The following ZNF662 variants were observed in gnomAD, a reference collection of about 807,000 sequenced individuals.
The protein encoded by ZNF662 is zinc finger protein 662.
In ZNF662, 14 loss-of-function variants were observed where a neutral mutation model predicts 12.4. The ratio of observed to expected loss-of-function variants is 1.13; its 90% CI spans 0.75 to 1.77. The LOEUF (loss-of-function observed/expected upper bound fraction) is 1.77, where lower values mean the gene tolerates loss of function less well. Among genes scored for constraint, ZNF662 ranks in the 40% most tolerant of loss-of-function variants. The pLI is 0.00. For synonymous variants in ZNF662, 184 were observed against 176.4 expected, an observed-to-expected ratio of 1.04 and a Z score of -0.34; for missense variants, 550 against 515.6, an observed-to-expected ratio of 1.07 and a Z score of -0.65.
rs1386617067 is a variant in ZNF662 at position 42,914,919 on chromosome 3, G to A, written c.846G>A (p.Gly282=). The A allele has an allele frequency of 1.2e-6, 2 of 1,614,218 alleles. No individual in the cohort carries two copies. Among genetic ancestry groups the A allele is most frequent in the Admixed American group, 1.7e-5 (1 of 60,028 alleles). The change falls in exon 5 of 5, where the codon GGG becomes GGA. Residue 282 remains glycine, a synonymous_variant. Transcript: ENST00000440367. ...GEKPFECKEC[G]KGFSQNTSLT... ...AACCCTTTGAATGTAAGGAATGTGG[G>A]AAGGGCTTTAGTCAGAACACAAGCC...
chr3:42,908,089 C>T lies in ZNF662; in HGVS notation c.-26C>T, dbSNP rs1431529764. 1 of 1,614,060 alleles carries T rather than the reference C, an allele frequency of 6.2e-7. No individual in the cohort carries two copies. The highest frequency in any genetic ancestry group is 2.2e-5 in the East Asian group (1 of 44,884). On this transcript the variant is annotated 5_prime_UTR_variant, in exon 2 of 5. Coordinates refer to ENST00000440367, the MANE Select transcript of ZNF662 (RefSeq NM_207404.4). ...AACGAATGGATCGGCCTGGGCCCTG[C>T]TCAGAGAGCCCTGTACAGGGATGTG...
rs1052034566 is a variant in ZNF662, at chr3:42,908,388, G to A, written c.34+240G>A. 6.8e-6 allele frequency: 9 copies of A among 1,320,388 alleles called. No individual in the cohort carries two copies. In the African/African-American group the frequency reaches 1.3e-4, roughly 19 times the overall value. The allele number at this position is 1,320,388 out of a possible 1,614,324, so 81.8% of individuals were successfully genotyped here. ...TGCCAAACCCCTACCCTTGTGTTGT[G>A]GGTATAGTGAGAAGAGAGCAAATTC... On this transcript the variant is annotated intron_variant, in intron 2 of 4. Transcript: ENST00000440367.
intron 2 of ZNF662, 150 bp from the exon 3 acceptor site, chr3:42,908,643 T>C: frequency 6.8e-7 from 1 of 1,475,010 alleles, no homozygotes; most frequent in Non-Finnish European, 9.0e-7. Context: ...GCCCCTCTCT[T>C]GTCCTTTCCC....
At chr3:42,910,380 G>A (rs937768391) in intron 3 of ZNF662, among the ~76,000 whole-genome samples, 14 of 152,118 alleles carry the variant, frequency 9.2e-5, no homozygotes, top group African/African-American at 2.7e-4. Context: ...GAGAGGGAGA[G>A]CTTTTATATC....
At chr3:42,910,025 G>A (rs1046919302) in intron 3 of ZNF662, among the ~76,000 whole-genome samples, 2 of 152,116 alleles carry the variant, frequency 1.3e-5, no homozygotes, top group Admixed American at 1.3e-4. Context: ...AGGTTGTAGC[G>A]AGCCGAGATC....
Position 42,913,223 on chromosome 3 carries a change from T to A in ZNF662, c.174T>A (p.Ala58=). The A allele has an allele frequency of 6.2e-7, 1 of 1,614,082 alleles. No individual in the cohort carries two copies. The highest frequency in any genetic ancestry group is 2.2e-5 in the East Asian group (1 of 44,880). Residue 58 remains alanine (A), a synonymous_variant, in exon 4 of 5, where the codon GCT becomes GCA. Coordinates refer to ENST00000440367, the MANE Select transcript of ZNF662 (RefSeq NM_207404.4). The stretch of plus-strand genomic sequence containing the variant: ...CAGGATATCCATTTCTAAAGCCTGC[T>A]GGGATTTCCCATCCTGAGCAGGTGG... ...ISSGYPFLKP[A]GISHPEQVEE...
At chr3:42,908,372 C>T (rs1166057933) in intron 2 of ZNF662, 27 of 1,341,276 alleles carry the variant, frequency 2.0e-5, no homozygotes, top group Non-Finnish European at 2.5e-5. Flanking sequence ...GTGCCAAACC[C>T]CTACCCTTGT....
intron 1 of ZNF662, 58 bp from the exon 2 acceptor site, chr3:42,907,964 C>G (rs2088706526): frequency 1.3e-6 from 2 of 1,596,434 alleles, no homozygotes; most frequent in South Asian, 1.1e-5. Flanking sequence ...CCTGTCTCCC[C>G]TTCCTCTTGG....
intron 3 of ZNF662, among the ~76,000 whole-genome samples, chr3:42,910,892 T>C (rs1302309278): frequency 6.6e-6 from 1 of 152,182 alleles, no homozygotes; most frequent in Non-Finnish European, 1.5e-5. Flanking sequence ...TAAACAAAAA[T>C]AATTTGTTGT....
At chr3:42,912,667 T>TATA (rs1491154427) in intron 3 of ZNF662, among the ~76,000 whole-genome samples, 1 of 28,608 alleles carries the variant, frequency 3.5e-5, no homozygotes, top group African/African-American at 1.1e-4. Context: ...TATATATATA[T>TATA]TTTTTATATA....
chr3:42,912,529 A>T (rs2088817963), intron 3 of ZNF662, among the ~76,000 whole-genome samples: 1 of 93,766 alleles, frequency 1.1e-5, no homozygotes, highest in East Asian at 3.3e-4. Context: ...TAATATATAA[A>T]TACATATATT....
At position 42,906,520 on chromosome 3, in the gene ZNF662, C is replaced by A; in HGVS notation, c.-94+352C>A. 7.8e-7 allele frequency: 1 copy of A among 1,284,640 alleles called. No homozygotes were observed. The highest frequency in any genetic ancestry group is 1.7e-5 in the South Asian group (1 of 59,872). 79.6% of individuals were successfully genotyped at this position (1,284,640 alleles called of 1,614,324 possible). On this transcript the variant is annotated intron_variant, in intron 1 of 4. Coordinates refer to ENST00000440367, the MANE Select transcript of ZNF662 (RefSeq NM_207404.4). The surrounding 1 kb of genome is among the most constrained non-coding windows in gnomAD (Gnocchi z 4.4). Reference sequence around the variant, plus strand: ...GCCCGGAGACGGGGTGGTGCGGCGGCTGGGAAATGGGGGTACAACCCAGAG... The same window carrying A: ...GCCCGGAGACGGGGTGGTGCGGCGGATGGGAAATGGGGGTACAACCCAGAG...
rs1008766322 is a variant in ZNF662, at chr3:42,916,539, T to C, written c.*1185T>C. 2.0e-5 allele frequency: 3 copies of C among 151,978 alleles called. No homozygotes were observed. Among genetic ancestry groups the C allele is most frequent in the Non-Finnish European group, 4.4e-5 (3 of 68,056 alleles). 9.4% of individuals were successfully genotyped at this position (151,978 alleles called of 1,614,324 possible). On this transcript the variant is annotated 3_prime_UTR_variant, in exon 5 of 5. Coordinates refer to ENST00000440367, the MANE Select transcript of ZNF662 (RefSeq NM_207404.4). ...GCCACCATGCCTGGCTAATATTTTT[T>C]ATTTTTAGTAGAGACGGGGTTTCAC... is the stretch of plus-strand genomic sequence containing the variant.
At chr3:42,914,292 A>G in intron 4 of ZNF662, 35 bp from the exon 5 acceptor site, 1 of 1,534,838 alleles carries the variant, frequency 6.5e-7, no homozygotes, top group Non-Finnish European at 8.8e-7. Flanking sequence ...GTCATGGATA[A>G]TGATGACATT....
chr3:42,908,251 A>G, intron 2 of ZNF662, 103 bp downstream of exon 2: 1 of 1,486,514 alleles, frequency 6.7e-7, no homozygotes, highest in East Asian at 2.3e-5. Flanking sequence ...GCTCAATGGC[A>G]GCTTCAGGCT....
Position 42,915,975 on chromosome 3 carries a change from A to G in ZNF662, c.*621A>G, listed in dbSNP as rs2088893329. 6.6e-6 allele frequency: 1 copy of G among 152,110 alleles called. No individual in the cohort carries two copies. Among genetic ancestry groups the G allele is most frequent in the Non-Finnish European group, 1.5e-5 (1 of 68,036 alleles). The allele number at this position is 152,110 out of a possible 1,614,324, so 9.4% of individuals were successfully genotyped here. ...GTCTTTTAATCTTAACCCCAGCTAA[A>G]TGACTCTGAGGACCAACAGTACATT... On this transcript the variant is annotated 3_prime_UTR_variant, in exon 5 of 5. Coordinates refer to ENST00000440367, the MANE Select transcript of ZNF662 (RefSeq NM_207404.4).
rs1054300787 is a variant in ZNF662 at position 42,915,786 on chromosome 3, T to C, written c.*432T>C. ...ACTTAATTGTACATATTTATGTCTC[T>C]GCCCATTTTTATTTGCTTATTTTCC... On this transcript the variant is annotated 3_prime_UTR_variant, in exon 5 of 5. Transcript: ENST00000440367. The C allele has an allele frequency of 3.1e-5, 5 of 159,632 alleles. No homozygotes were observed. Among genetic ancestry groups the C allele is most frequent in the African/African-American group, 1.2e-4 (5 of 41,536 alleles). 9.9% of individuals were successfully genotyped at this position (159,632 alleles called of 1,614,324 possible). A position where few individuals can be genotyped will look rare whatever the true frequency, so the allele number is the denominator to read the frequency against.
In ZNF662 at chr3:42,912,306, GAT is replaced by G. The variant is rs1433928138; in HGVS notation, c.152-887_152-886del. On this transcript the variant is annotated intron_variant, in intron 3 of 4. Coordinates refer to ENST00000440367, the MANE Select transcript of ZNF662 (RefSeq NM_207404.4). ...AAATATAATTATATATAAAATATATGATATATATAGTCCATCTCTCTATTATA... is the reference window on the plus strand; with the variant it reads ...AAATATAATTATATATAAAATATATGATATATAGTCCATCTCTCTATTATA... 1.4e-4 allele frequency among the ~76,000 whole-genome samples: 15 copies of G among 107,488 alleles called. No individual in the cohort carries two copies. The South Asian group carries it at 2.4e-3, about 17-fold the overall frequency. 70.5% of individuals were successfully genotyped at this position (107,488 alleles called of 152,430 possible). A position where few individuals can be genotyped will look rare whatever the true frequency, so the allele number is the denominator to read the frequency against.
rs1204767550 is a variant in ZNF662, at chr3:42,918,270, G to C, written c.*2916G>C. Among the ~76,000 whole-genome samples the C allele has an allele frequency of 6.6e-6, 1 of 152,114 alleles. No individual in the cohort carries two copies. The highest frequency in any genetic ancestry group is 1.5e-5 in the Non-Finnish European group (1 of 68,028). ...CATGACCAGGAAAAATTAGTCACAG[G>C]GACACATTGAAAAGTGAGGAGGGCA... On this transcript the variant is annotated 3_prime_UTR_variant, in exon 5 of 5. Transcript: ENST00000440367.
Sources: gnomAD v4.1 joint callset for allele counts (sites outside exome capture counted in the v4.1 genomes callset) on GRCh38, gnomAD v4.1.1 for gene constraint, Gnocchi (gnomAD v3.1) non-coding constraint, MANE v1.5 for transcripts, NCBI Gene and HGNC (gene_info 2026-07-23, HGNC 2026-07-21) for gene names.